Variants in RBFOX1 observed in about 807,000 individuals in gnomAD.
RBFOX1 encodes RNA binding fox-1 homolog 1.
A neutral mutation model predicts 57.7 loss-of-function variants in RBFOX1; 8 were observed. That is an observed-to-expected ratio of 0.14 (90% CI 0.08 to 0.25). RBFOX1 has a LOEUF of 0.25. RBFOX1 is among the 10% of genes least tolerant of loss of function. The pLI is 1.00. For missense variants in RBFOX1, 611 were observed against 548.5 expected (o/e 1.11, Z -1.14); for synonymous variants, 326 against 222.4 (o/e 1.47, Z -4.15).
intron 1 of RBFOX1, among the ~76,000 whole-genome samples, chr16:6,021,926 A>G (rs989974197): frequency 2.6e-5 from 4 of 152,204 alleles, no homozygotes; most frequent in Admixed American, 2.0e-4. Flanking sequence ...TTGTTTCTTT[A>G]TTCTTTCAAG....
intron 3 of RBFOX1, among the ~76,000 whole-genome samples, chr16:5,700,430 A>T (rs961249794): frequency 6.6e-6 from 1 of 152,086 alleles, no homozygotes; most frequent in African/African-American, 2.4e-5. Context: ...TTCTCCTGTT[A>T]TTCTATTGGC....
At chr16:7,111,087 G>T (rs2064666529) in intron 4 of RBFOX1, among the ~76,000 whole-genome samples, 1 of 152,128 alleles carries the variant, frequency 6.6e-6, no homozygotes, top group Non-Finnish European at 1.5e-5. Context: ...AATAACTGTG[G>T]TTCACTATGT....
In RBFOX1 at chr16:5,932,995, G is replaced by A. The variant is rs190037987; in HGVS notation, c.351+65660G>A. 1.1e-3 allele frequency among the ~76,000 whole-genome samples: 175 copies of A among 152,286 alleles called. 2 individuals are homozygous for A. Among genetic ancestry groups the A allele is most frequent in the African/African-American group, 4.0e-3 (165 of 41,566 alleles). On this transcript the variant is annotated intron_variant, in intron 4 of 19. Transcript: ENST00000641259. ...CGACACAATATTTTAACAGCATGAC[G>A]CCACTTAGCTGTGGTTTAATAAAAT...
chr16:6,333,273 G>A (rs2083256859), intron 2 of RBFOX1, among the ~76,000 whole-genome samples: 1 of 152,088 alleles, frequency 6.6e-6, no homozygotes, highest in South Asian at 2.1e-4. Context: ...TTGAATTCCT[G>A]AGCTCAGGTG....
chr16:5,801,554 T>C (rs1233347040), intron 3 of RBFOX1, among the ~76,000 whole-genome samples: 3 of 152,126 alleles, frequency 2.0e-5, no homozygotes, highest in Non-Finnish European at 4.4e-5. Context: ...CTGGGGTGCA[T>C]GCACGCGGGG....
intron 10 of RBFOX1, among the ~76,000 whole-genome samples, chr16:7,619,413 A>G (rs28573804): frequency 1.3e-4 from 20 of 152,300 alleles, no homozygotes; most frequent in African/African-American, 4.8e-4. Context: ...GCAGGCATAG[A>G]CAACTTCATC....
At chr16:7,486,941 C>T (rs2065560335) in intron 4 of RBFOX1, among the ~76,000 whole-genome samples, 1 of 152,134 alleles carries the variant, frequency 6.6e-6, no homozygotes. Context: ...GCTCTGTCAC[C>T]CAGTCTGGAG....
intron 6 of RBFOX1, among the ~76,000 whole-genome samples, chr16:7,583,395 AC>A (rs1472652264): frequency 6.6e-6 from 1 of 152,178 alleles, no homozygotes; most frequent in East Asian, 1.9e-4. Flanking sequence ...CATTTTCTTT[AC>A]AGATAAATGT....
intron 3 of RBFOX1, among the ~76,000 whole-genome samples, chr16:6,913,430 T>G (rs990135343): frequency 6.6e-6 from 1 of 152,052 alleles, no homozygotes; most frequent in African/African-American, 2.4e-5. Flanking sequence ...AGAACATCTT[T>G]CCTCTCATAT....
At position 6,019,932 on chromosome 16, in the gene RBFOX1, C is replaced by A; in HGVS notation, c.-187C>A. ...TGTGGCTGGGGGTGCAGAGAGCGCA[C>A]GGGAATTCGGGGGTCTGGGGCCGAG... is the stretch of plus-strand genomic sequence containing the variant. On this transcript the variant is annotated 5_prime_UTR_variant, in exon 1 of 16. Coordinates refer to ENST00000550418, the MANE Select transcript of RBFOX1 (RefSeq NM_018723.4). The surrounding 1 kb of genome is among the most constrained non-coding windows in gnomAD (Gnocchi z 4.2). 6.5e-7 allele frequency: 1 copy of A among 1,534,448 alleles called. No individual in the cohort carries two copies. Among genetic ancestry groups the A allele is most frequent in the Non-Finnish European group, 8.7e-7 (1 of 1,146,188 alleles).
intron 3 of RBFOX1, among the ~76,000 whole-genome samples, chr16:6,713,553 A>G (rs1237145077): frequency 6.6e-6 from 1 of 152,032 alleles, no homozygotes; most frequent in African/African-American, 2.4e-5. Flanking sequence ...CCCAGTTGAG[A>G]CAACCACAAA....
At chr16:6,870,788 T>G (rs1017443729) in intron 3 of RBFOX1, among the ~76,000 whole-genome samples, 4 of 152,210 alleles carry the variant, frequency 2.6e-5, no homozygotes, top group African/African-American at 9.6e-5. Flanking sequence ...GTTTCACTAC[T>G]AGCAACTAAT....
At chr16:5,345,695 A>G (rs1012695052) in intron 1 of RBFOX1, among the ~76,000 whole-genome samples, 4 of 152,136 alleles carry the variant, frequency 2.6e-5, no homozygotes, top group African/African-American at 7.2e-5. Context: ...TTTCCGATGC[A>G]TGGGAGAAGC....
At chr16:6,856,278 T>C (rs935907967) in intron 3 of RBFOX1, among the ~76,000 whole-genome samples, 5 of 152,150 alleles carry the variant, frequency 3.3e-5, no homozygotes, top group Admixed American at 2.0e-4. Context: ...GTAGGTGTTT[T>C]ATTGTTGAGT....
At chr16:5,550,818 T>C (rs1291695993) in intron 2 of RBFOX1, among the ~76,000 whole-genome samples, 1 of 152,224 alleles carries the variant, frequency 6.6e-6, no homozygotes, top group Non-Finnish European at 1.5e-5. Flanking sequence ...AAAAGAATTG[T>C]CACCTTTATT....
At chr16:5,944,293 A>C (rs77252939) in intron 4 of RBFOX1, among the ~76,000 whole-genome samples, 1 of 152,220 alleles carries the variant, frequency 6.6e-6, no homozygotes, top group Non-Finnish European at 1.5e-5. Flanking sequence ...GAATGGATGA[A>C]TGGTCACCAG....
At chr16:5,614,236 T>G (rs1031733190) in intron 3 of RBFOX1, among the ~76,000 whole-genome samples, 2 of 152,214 alleles carry the variant, frequency 1.3e-5, no homozygotes, top group Admixed American at 1.3e-4. Flanking sequence ...ACTGCAGACA[T>G]TTTTAAACTA....
At chr16:6,947,096 G>T (rs1184262337) in intron 3 of RBFOX1, among the ~76,000 whole-genome samples, 1 of 152,102 alleles carries the variant, frequency 6.6e-6, no homozygotes, top group South Asian at 2.1e-4. Flanking sequence ...TAGTTAAGAG[G>T]ATTTAATGGG....
intron 3 of RBFOX1, among the ~76,000 whole-genome samples, chr16:6,944,397 G>GAAAAAAAAA (rs199499186): frequency 9.4e-6 from 1 of 106,088 alleles, no homozygotes. Flanking sequence ...CCATCTCAGA[G>GAAAAAAAAA]AAAAAAAAAA....
Sources: allele counts gnomAD v4.1 joint callset (sites outside exome capture counted in the v4.1 genomes callset), GRCh38; gene constraint gnomAD v4.1.1; non-coding constraint Gnocchi (gnomAD v3.1); transcripts MANE v1.5; gene names NCBI Gene and HGNC (gene_info 2026-07-23, HGNC 2026-07-21).